Variants in TENM2 observed in about 807,000 individuals in gnomAD.
TENM2 encodes the protein teneurin transmembrane protein 2, also known as teneurin-2.
Under a neutral mutation model 245.2 loss-of-function variants are expected in TENM2, and 52 were observed. That is an observed-to-expected ratio of 0.21 (90% CI 0.17 to 0.27). The LOEUF (loss-of-function observed/expected upper bound fraction) is 0.27. Ranked by LOEUF, TENM2 falls within the 10% of genes least tolerant of loss-of-function variation. TENM2 has a pLI of 1.00. For missense variants in TENM2, 3,046 were observed against 3,666.8 expected (o/e 0.83, Z 4.37); for synonymous variants, 1,363 against 1,438.9 (o/e 0.95, Z 1.19).
intron 1 of TENM2, among the ~76,000 whole-genome samples, chr5:167,312,418 A>G (rs915517190): frequency 1.3e-4 from 20 of 152,152 alleles, no homozygotes; most frequent in African/African-American, 4.8e-4. Context: ...CTTAGAGTTC[A>G]TGTCAGAAGG....
chr5:167,982,737 T>C (rs1782938083), intron 4 of TENM2, among the ~76,000 whole-genome samples: 1 of 152,166 alleles, frequency 6.6e-6, no homozygotes, highest in Non-Finnish European at 1.5e-5. Flanking sequence ...AGCAGACTTT[T>C]TGAGCACCTA....
chr5:167,467,615 C>T (rs947121459), intron 2 of TENM2, among the ~76,000 whole-genome samples: 1 of 151,342 alleles, frequency 6.6e-6, no homozygotes, highest in Non-Finnish European at 1.5e-5. Flanking sequence ...ATTTCACGAA[C>T]CCAGAGAAAG....
chr5:167,940,089 A>G (rs926865204), intron 3 of TENM2, among the ~76,000 whole-genome samples: 8 of 152,274 alleles, frequency 5.3e-5, no homozygotes, highest in Non-Finnish European at 1.0e-4. Context: ...TGCATGAGAT[A>G]GAGCTGTGTT....
At chr5:168,171,483 G>A (rs948683749) in intron 13 of TENM2, among the ~76,000 whole-genome samples, 2 of 152,178 alleles carry the variant, frequency 1.3e-5, no homozygotes, top group African/African-American at 2.4e-5. Flanking sequence ...GTGTGCTGCT[G>A]CAAGGAAGCC....
At chr5:168,134,815 T>C (rs1754903884) in intron 12 of TENM2, among the ~76,000 whole-genome samples, 1 of 152,212 alleles carries the variant, frequency 6.6e-6, no homozygotes, top group African/African-American at 2.4e-5. Flanking sequence ...CAAACAAAGG[T>C]TGTTCAGCAA....
At chr5:167,302,791 C>T (rs775540369) in intron 1 of TENM2, among the ~76,000 whole-genome samples, 5 of 152,034 alleles carry the variant, frequency 3.3e-5, no homozygotes, top group Non-Finnish European at 5.9e-5. Context: ...GGTTCTTGCC[C>T]CTCCCCCAGA....
At chr5:167,642,094 T>A (rs1779648944) in intron 2 of TENM2, among the ~76,000 whole-genome samples, 1 of 147,650 alleles carries the variant, frequency 6.8e-6, no homozygotes, top group African/African-American at 2.5e-5. Context: ...TGAGCCAAGA[T>A]CATGCCACTG....
the TENM2 span, among the ~76,000 whole-genome samples, chr5:167,233,485 A>T: frequency 1.3e-5 from 2 of 152,204 alleles, no homozygotes; most frequent in African/African-American, 2.4e-5. Flanking sequence ...GAAGGGGTTC[A>T]GTATTTTCAC....
Position 168,076,100 on chromosome 5 carries a change from A to C in TENM2, c.1515+13835A>C, listed in dbSNP as rs546095901. On this transcript the variant is annotated intron_variant, in intron 7 of 28. Coordinates refer to ENST00000518659, the Ensembl canonical transcript of TENM2. ...CCTTTTATTAGTGAGTAGATTTTCA[A>C]TTGTATGTATATTCCACAATGCGTG... 5.3e-5 allele frequency among the ~76,000 whole-genome samples: 8 copies of C among 152,274 alleles called. No individual in the cohort carries two copies. The South Asian group carries it at 1.7e-3, about 32-fold the overall frequency.
At chr5:167,298,516 T>G (rs925201171) in intron 1 of TENM2, among the ~76,000 whole-genome samples, 1 of 152,062 alleles carries the variant, frequency 6.6e-6, no homozygotes, top group African/African-American at 2.4e-5. Flanking sequence ...GGCAGGAGAA[T>G]GGCGTAAACC....
chr5:167,396,259 A>G (rs557556564), intron 2 of TENM2, among the ~76,000 whole-genome samples: 1 of 152,290 alleles, frequency 6.6e-6, no homozygotes, highest in East Asian at 1.9e-4. Flanking sequence ...GTATACATAC[A>G]ATAGAATATT....
At chr5:167,247,948 G>T in the TENM2 span, among the ~76,000 whole-genome samples, 1 of 152,100 alleles carries the variant, frequency 6.6e-6, no homozygotes, top group Non-Finnish European at 1.5e-5. Flanking sequence ...TGTGACAACT[G>T]AAATGGTGAA....
intron 3 of TENM2, among the ~76,000 whole-genome samples, chr5:167,919,177 G>A (rs1389483957): frequency 2.0e-5 from 3 of 152,024 alleles, no homozygotes; most frequent in Non-Finnish European, 2.9e-5. Context: ...GCTTCTCCCT[G>A]GTATGGATCA....
the TENM2 span, among the ~76,000 whole-genome samples, chr5:167,090,587 C>G: frequency 1.3e-5 from 2 of 152,166 alleles, no homozygotes; most frequent in African/African-American, 4.8e-5. Flanking sequence ...GTGATCTTTA[C>G]TCCTCTAATT....
At chr5:167,885,095 T>C (rs934430739) in intron 3 of TENM2, among the ~76,000 whole-genome samples, 1 of 152,230 alleles carries the variant, frequency 6.6e-6, no homozygotes, top group East Asian at 1.9e-4. Context: ...TCAGATCATT[T>C]GTTTTTTGTT....
At chr5:167,129,675 A>G in the TENM2 span, among the ~76,000 whole-genome samples, 156 of 152,292 alleles carry the variant, frequency 1.0e-3, 2 homozygotes, top group African/African-American at 3.7e-3. Flanking sequence ...ATGGGAAAAT[A>G]CTTAGCACAG....
chr5:167,220,142 A>G, the TENM2 span, among the ~76,000 whole-genome samples: 1 of 152,202 alleles, frequency 6.6e-6, no homozygotes, highest in Non-Finnish European at 1.5e-5. Context: ...TACTGACACC[A>G]ACATTTGTTT....
downstream of TENM2, chr5:168,263,495 C>A (rs1299963555): frequency 6.6e-6 from 1 of 152,348 alleles, no homozygotes; most frequent in African/African-American, 2.4e-5. Context: ...GAAAAAAAAA[C>A]ATGAGGGAAT....
chr5:167,964,280 T>G (rs752904078), intron 4 of TENM2, among the ~76,000 whole-genome samples: 6 of 152,160 alleles, frequency 3.9e-5, no homozygotes, highest in Non-Finnish European at 8.8e-5. Flanking sequence ...TTTTCTTCCT[T>G]TGTGTGTTTT....
Sources: gnomAD v4.1 joint callset for allele counts (sites outside exome capture counted in the v4.1 genomes callset) on GRCh38, gnomAD v4.1.1 for gene constraint, MANE v1.5 for transcripts, NCBI Gene and HGNC (gene_info 2026-07-23, HGNC 2026-07-21) for gene names.